CYSLTR2: variants seen among roughly 807,000 people sequenced by gnomAD.
CYSLTR2 encodes cysteinyl leukotriene receptor 2.
For missense variants in CYSLTR2, 398 were observed against 411.9 expected, an observed-to-expected ratio of 0.97 and a Z score of 0.29; for synonymous variants, 179 against 160.8, an observed-to-expected ratio of 1.11 and a Z score of -0.86.
intron 1 of CYSLTR2, among the ~76,000 whole-genome samples, chr13:48,670,455 T>G (rs764056200): frequency 3.3e-5 from 5 of 152,228 alleles, no homozygotes; most frequent in African/African-American, 1.2e-4. Flanking sequence ...AATTTTTGTA[T>G]AAGGTGTAAG....
chr13:48,663,963 T>C (rs1471281246), intron 1 of CYSLTR2, among the ~76,000 whole-genome samples: 1 of 152,076 alleles, frequency 6.6e-6, no homozygotes, highest in Non-Finnish European at 1.5e-5. Context: ...TGCTGTGAGT[T>C]TGTCACATGT....
chr13:48,704,053 A>C (rs2138997073), intron 4 of CYSLTR2, among the ~76,000 whole-genome samples: 1 of 152,344 alleles, frequency 6.6e-6, no homozygotes, highest in South Asian at 2.1e-4. Context: ...TTGATGCCTC[A>C]GGTATCTATC....
chr13:48,655,953 T>C (rs1044093055), intron 1 of CYSLTR2, among the ~76,000 whole-genome samples: 1 of 152,196 alleles, frequency 6.6e-6, no homozygotes, highest in Non-Finnish European at 1.5e-5. Context: ...AATGATGACA[T>C]TGATGTTGTT....
In CYSLTR2 at chr13:48,710,431, T is replaced by C. The variant is rs1244905524; in HGVS notation, c.*2573T>C. ...AACTGTTGTGGTATAACAGTGCTTG[T>C]GTTAAAGTCACTCTTATTTTACTTA... On this transcript the variant is annotated 3_prime_UTR_variant, in exon 5 of 5. Transcript: ENST00000682523. The C allele has an allele frequency of 6.6e-6, 1 of 152,182 alleles. No individual in the cohort carries two copies. Among genetic ancestry groups the C allele is most frequent in the African/African-American group, 2.4e-5 (1 of 41,446 alleles). The allele number at this position is 152,182 out of a possible 1,614,324, so 9.4% of individuals were successfully genotyped here. A position where few individuals can be genotyped will look rare whatever the true frequency, so the allele number is the denominator to read the frequency against.
chr13:48,656,264 C>G (rs894624783), intron 1 of CYSLTR2, among the ~76,000 whole-genome samples: 7 of 152,152 alleles, frequency 4.6e-5, no homozygotes, highest in Non-Finnish European at 1.0e-4. Context: ...ATGGCCCCAT[C>G]TTCTTTCACT....
At chr13:48,695,711 T>A (rs1256879531) in intron 3 of CYSLTR2, among the ~76,000 whole-genome samples, 5 of 152,188 alleles carry the variant, frequency 3.3e-5, no homozygotes, top group Non-Finnish European at 5.9e-5. Context: ...ATAGCATAGC[T>A]CCCTAGAGAT....
intron 1 of CYSLTR2, among the ~76,000 whole-genome samples, chr13:48,689,215 A>T (rs1220607555): frequency 1.3e-5 from 2 of 152,056 alleles, no homozygotes; most frequent in Non-Finnish European, 2.9e-5. Flanking sequence ...TTGCCTGTTC[A>T]CTCTGATGAT....
intron 1 of CYSLTR2, among the ~76,000 whole-genome samples, chr13:48,679,675 G>T (rs920222323): frequency 4.6e-5 from 7 of 152,142 alleles, no homozygotes; most frequent in African/African-American, 1.7e-4. Context: ...CAGAGTGCCC[G>T]GCACAGAGTA....
chr13:48,709,459 G>A lies in CYSLTR2; in HGVS notation c.*1601G>A, dbSNP rs1954585614. 6.1e-6 allele frequency: 1 copy of A among 163,830 alleles called. No individual in the cohort carries two copies. Among genetic ancestry groups the A allele is most frequent in the South Asian group, 2.1e-4 (1 of 4,830 alleles). 10.1% of individuals were successfully genotyped at this position (163,830 alleles called of 1,614,324 possible). A position where few individuals can be genotyped will look rare whatever the true frequency, so the allele number is the denominator to read the frequency against. ...GGACCCTGGAGGATCCTCCTATGGGGAAACTGCATAATCTGAAAAAAAGGC... is the reference window on the plus strand; with the variant it reads ...GGACCCTGGAGGATCCTCCTATGGGAAAACTGCATAATCTGAAAAAAAGGC... On this transcript the variant is annotated 3_prime_UTR_variant, in exon 5 of 5. Coordinates refer to ENST00000682523, the MANE Select transcript of CYSLTR2 (RefSeq NM_001308476.3).
chr13:48,666,038 T>C (rs1023643965), intron 1 of CYSLTR2, among the ~76,000 whole-genome samples: 3 of 152,164 alleles, frequency 2.0e-5, no homozygotes, highest in Admixed American at 6.5e-5. Flanking sequence ...GGTTATCATC[T>C]TTTCACTTCC....
At chr13:48,664,983 G>A (rs1441505121) in intron 1 of CYSLTR2, among the ~76,000 whole-genome samples, 1 of 151,736 alleles carries the variant, frequency 6.6e-6, no homozygotes, top group Non-Finnish European at 1.5e-5. Context: ...CTTTTGCTGT[G>A]CCCCATAGTT....
At chr13:48,695,604 C>T (rs907250286) in intron 3 of CYSLTR2, among the ~76,000 whole-genome samples, 11 of 151,956 alleles carry the variant, frequency 7.2e-5, no homozygotes, top group Non-Finnish European at 1.2e-4. Context: ...TCTTAATCCC[C>T]GGCAATTACA....
At chr13:48,662,094 T>C (rs373850485) in intron 1 of CYSLTR2, among the ~76,000 whole-genome samples, 3 of 152,346 alleles carry the variant, frequency 2.0e-5, no homozygotes, top group Admixed American at 1.3e-4. Context: ...TGAGAACATA[T>C]GGTGTTTGAC....
At chr13:48,661,492 A>G (rs74518420) in intron 1 of CYSLTR2, among the ~76,000 whole-genome samples, 9,117 of 151,502 alleles carry the variant, frequency 0.06, 320 homozygotes, top group African/African-American at 0.079. Flanking sequence ...TGCCTCCTTA[A>G]TGCTTGTTCT....
At chr13:48,654,288 T>A (rs61553800) in intron 1 of CYSLTR2, among the ~76,000 whole-genome samples, 23,171 of 125,408 alleles carry the variant, frequency 0.18, 1,556 homozygotes, top group East Asian at 0.21. Flanking sequence ...TGTGTGTGTG[T>A]GTGTGTGTGT....
At position 48,688,581 on chromosome 13, in the gene CYSLTR2, G is replaced by A. The variant is rs148111861; in HGVS notation, c.-265-2631G>A. On this transcript the variant is annotated intron_variant, in intron 1 of 4. Transcript: ENST00000682523. ...CTTCATCCACATCCCTGCAAATGTC[G>A]TGAACTCATCCTTTCTTATGGCTGC... 2.3e-3 allele frequency among the ~76,000 whole-genome samples: 351 copies of A among 152,198 alleles called. 2 individuals are homozygous for A. The highest frequency in any genetic ancestry group is 7.2e-3 in the African/African-American group (301 of 41,518).
At chr13:48,676,195 C>A (rs2138872464) in intron 1 of CYSLTR2, among the ~76,000 whole-genome samples, 1 of 152,252 alleles carries the variant, frequency 6.6e-6, no homozygotes, top group South Asian at 2.1e-4. Context: ...AAAGGCAGAC[C>A]AGAACCCAGG....
Position 48,707,281 on chromosome 13 carries a change from C to T in CYSLTR2, c.464C>T (p.Ala155Val). 4 of 1,614,012 alleles carry T rather than the reference C, an allele frequency of 2.5e-6. No individual in the cohort carries two copies. The highest frequency in any genetic ancestry group is 3.4e-6 in the Non-Finnish European group (4 of 1,180,044). Residue 155 changes from alanine (A) to valine (V), a missense_variant, in exon 5 of 5, where the codon GCC becomes GTC. Physicochemically the swap from Ala to Val is moderately conservative, Grantham distance 64. Transcript: ENST00000682523. ...RLLHVTSIRSAWILCGIIWIL... is the reference protein window; with the variant it reads ...RLLHVTSIRSVWILCGIIWIL... ...CTGCATGTCACCAGCATCAGGAGTG[C>T]CTGGATCCTCTGTGGGATCATATGG...
At chr13:48,667,847 C>A (rs2138837568) in intron 1 of CYSLTR2, among the ~76,000 whole-genome samples, 2 of 152,252 alleles carry the variant, frequency 1.3e-5, no homozygotes, top group African/African-American at 4.8e-5. Flanking sequence ...CTGCAGATTG[C>A]AGGGTGGGGT....
Sources: allele counts gnomAD v4.1 joint callset (sites outside exome capture counted in the v4.1 genomes callset), GRCh38; gene constraint gnomAD v4.1.1; transcripts MANE v1.5; gene names NCBI Gene and HGNC (gene_info 2026-07-23, HGNC 2026-07-21).